Variants in GALNT14 observed in about 807,000 individuals in gnomAD.
GALNT14 encodes UDP-GalNAc:polypeptide N-acetylgalactosaminyltransferase 14.
GALNT14 carries 60 observed loss-of-function variants against 77.5 expected under a neutral mutation model. That is an observed-to-expected ratio of 0.77 (90% CI 0.63 to 0.96). The LOEUF (loss-of-function observed/expected upper bound fraction) is 0.96, where lower values mean the gene tolerates loss of function less well. GALNT14 is among the 40% of genes least tolerant of loss of function. GALNT14 has a pLI of 0.00. For missense variants in GALNT14, 710 were observed against 731.0 expected (o/e 0.97, Z 0.33); for synonymous variants, 280 against 281.7 (o/e 0.99, Z 0.06).
chr2:30,969,212 T>G (rs1412025254), intron 2 of GALNT14, among the ~76,000 whole-genome samples: 1 of 152,216 alleles, frequency 6.6e-6, no homozygotes, highest in East Asian at 1.9e-4. Flanking sequence ...CTCAGCAGCC[T>G]GCCACCACCA....
intron 1 of GALNT14, among the ~76,000 whole-genome samples, chr2:31,018,525 GC>G (rs1304929908): frequency 5.3e-5 from 8 of 152,104 alleles, no homozygotes; most frequent in Non-Finnish European, 8.8e-5. Flanking sequence ...CATGAACACC[GC>G]CCCCGTGATC....
chr2:30,934,600 TC>T (rs1352762169), intron 9 of GALNT14, among the ~76,000 whole-genome samples: 1 of 152,092 alleles, frequency 6.6e-6, no homozygotes, highest in Admixed American at 6.5e-5. Context: ...TGATCCCTCC[TC>T]CCAGCTCTTT....
At chr2:30,967,302 T>C (rs950239539) in intron 2 of GALNT14, among the ~76,000 whole-genome samples, 2 of 152,216 alleles carry the variant, frequency 1.3e-5, no homozygotes, top group Admixed American at 6.5e-5. Flanking sequence ...AGATAGTTCA[T>C]AGTTTTCACT....
chr2:31,119,160 G>A (rs1009758438), intron 1 of GALNT14, among the ~76,000 whole-genome samples: 23 of 152,160 alleles, frequency 1.5e-4, no homozygotes, highest in Admixed American at 1.0e-3. Context: ...TAGGACTTAC[G>A]ATGATCTTTT....
At chr2:31,094,417 G>T (rs973012210) in intron 1 of GALNT14, among the ~76,000 whole-genome samples, 1 of 152,210 alleles carries the variant, frequency 6.6e-6, no homozygotes, top group Non-Finnish European at 1.5e-5. Context: ...CTCACGCAAA[G>T]CCTGTTTGGT....
chr2:30,981,803 G>A (rs1390302539), intron 2 of GALNT14, among the ~76,000 whole-genome samples: 8 of 152,192 alleles, frequency 5.3e-5, no homozygotes, highest in Non-Finnish European at 1.2e-4. Flanking sequence ...ACCTTAATAA[G>A]CATCTCTGGC....
chr2:31,003,671 T>C (rs932580840), intron 1 of GALNT14, among the ~76,000 whole-genome samples: 4 of 152,260 alleles, frequency 2.6e-5, no homozygotes, highest in South Asian at 2.1e-4. Flanking sequence ...CATTACAACT[T>C]TGGGGGAAGC....
At chr2:30,926,319 C>A (rs980007280) in intron 11 of GALNT14, among the ~76,000 whole-genome samples, 1 of 152,084 alleles carries the variant, frequency 6.6e-6, no homozygotes, top group Non-Finnish European at 1.5e-5. Context: ...AAGGTTGACA[C>A]CTAGATTTCT....
intron 1 of GALNT14, 51 bp downstream of exon 1, chr2:31,137,907 C>T (rs1373225200): frequency 1.3e-6 from 2 of 1,562,054 alleles, no homozygotes; most frequent in Non-Finnish European, 8.7e-7. Flanking sequence ...GCGGGCTGCG[C>T]GCCCTCCCGC....
chr2:30,890,171 G>A, the GALNT14 span, among the ~76,000 whole-genome samples: 10 of 152,174 alleles, frequency 6.6e-5, no homozygotes, highest in Non-Finnish European at 1.2e-4. Context: ...TGGTCTACAT[G>A]CTGAGGGCGG....
chr2:31,091,598 G>A (rs773611561), intron 1 of GALNT14, among the ~76,000 whole-genome samples: 16 of 152,102 alleles, frequency 1.1e-4, no homozygotes, highest in Middle Eastern at 3.2e-3. Flanking sequence ...TAAACTAGGT[G>A]GCTTACAAAT....
In GALNT14 at chr2:30,929,142, C is replaced by A. The variant is rs189533541; in HGVS notation, c.1151+253G>T. Among the ~76,000 whole-genome samples the A allele has an allele frequency of 1.8e-4, 28 of 152,320 alleles. 1 individual carries two copies. In the Middle Eastern group the frequency reaches 0.01, roughly 56 times the overall value. On this transcript the variant is annotated intron_variant, in intron 11 of 14. Coordinates refer to ENST00000349752, the MANE Select transcript of GALNT14 (RefSeq NM_024572.4). ...AAAAGCAGGAAATATTGGTCCACTG[C>A]ACAAGGCACAGCTCAGCTCCCCTAG...
chr2:31,101,809 T>C (rs556198046), intron 1 of GALNT14, among the ~76,000 whole-genome samples: 2 of 152,064 alleles, frequency 1.3e-5, no homozygotes, highest in South Asian at 2.1e-4. Context: ...TCCCCACACA[T>C]TGTGGGAGGG....
chr2:31,066,977 C>A (rs1675011637), intron 1 of GALNT14, among the ~76,000 whole-genome samples: 1 of 151,980 alleles, frequency 6.6e-6, no homozygotes, highest in Non-Finnish European at 1.5e-5. Flanking sequence ...TGGACATCAG[C>A]CTTTCCCTAC....
At chr2:31,072,356 T>G (rs934605873) in intron 1 of GALNT14, among the ~76,000 whole-genome samples, 2 of 151,602 alleles carry the variant, frequency 1.3e-5, no homozygotes, top group Non-Finnish European at 1.5e-5. Context: ...CAGGTCAAAA[T>G]TTTTGTCTCT....
intron 1 of GALNT14, among the ~76,000 whole-genome samples, chr2:31,020,839 A>G (rs1671669962): frequency 6.6e-6 from 1 of 152,116 alleles, no homozygotes; most frequent in South Asian, 2.1e-4. Flanking sequence ...GCTGCTCTGA[A>G]GGGAGTATGG....
rs141049151 is a variant in GALNT14 at position 31,124,241 on chromosome 2, C to T, written c.129+13717G>A. Among the ~76,000 whole-genome samples the T allele has an allele frequency of 2.1e-3, 316 of 152,318 alleles. 1 individual carries two copies. Among genetic ancestry groups the T allele is most frequent in the African/African-American group, 7.3e-3 (302 of 41,570 alleles). ...CTGCTTGCCAACTGCCCCAGTGGCA[C>T]TCCTGCCAGGGCTCTAGCATCCTAC... On this transcript the variant is annotated intron_variant, in intron 1 of 14. Transcript: ENST00000349752.
intron 1 of GALNT14, among the ~76,000 whole-genome samples, chr2:31,018,759 T>C (rs1671538425): frequency 6.6e-6 from 1 of 152,088 alleles, no homozygotes; most frequent in Non-Finnish European, 1.5e-5. Context: ...TTTGTGCAGG[T>C]TCTTTGGGAT....
intron 1 of GALNT14, among the ~76,000 whole-genome samples, chr2:31,019,054 C>T (rs13009779): frequency 0.41 from 62,122 of 151,952 alleles, 13,510 homozygotes; most frequent in African/African-American, 0.56. Flanking sequence ...TCACATCATC[C>T]TGAGAACAAC....
Sources: gnomAD v4.1 joint callset for allele counts (sites outside exome capture counted in the v4.1 genomes callset) on GRCh38, gnomAD v4.1.1 for gene constraint, MANE v1.5 for transcripts, NCBI Gene and HGNC (gene_info 2026-07-23, HGNC 2026-07-21) for gene names.